The following EPHA2 variants were observed in gnomAD, a reference collection of about 807,000 sequenced individuals.
The protein encoded by EPHA2 is ephrin type-A receptor 2.
Under a neutral mutation model 104.9 loss-of-function variants are expected in EPHA2, and 54 were observed. The ratio of observed to expected loss-of-function variants is 0.51; its 90% CI spans 0.41 to 0.65. The LOEUF is 0.65. Among genes scored for constraint, EPHA2 ranks in the 30% least tolerant of loss-of-function variants. The pLI, the probability that EPHA2 is intolerant of heterozygous loss-of-function variation, is 0.00. For missense variants in EPHA2, 1,117 were observed against 1,369.5 expected (o/e 0.82, Z 2.91); for synonymous variants, 560 against 559.1 (o/e 1.00, Z -0.02).
intron 11 of EPHA2, among the ~76,000 whole-genome samples, 186 bp from the exon 12 acceptor site, chr1:16,132,625 G>A (rs1287815206): frequency 2.0e-5 from 3 of 151,406 alleles, no homozygotes; most frequent in Non-Finnish European, 2.9e-5. Context: ...GGGCACAGGC[G>A]GAGGAGTGGG....
chr1:16,136,655 GAAGAAGAAAAGAAGAAAAGAAGAAGA>G (rs879718203), intron 5 of EPHA2, among the ~76,000 whole-genome samples: 12,736 of 125,820 alleles, frequency 0.1, 1,882 homozygotes, highest in African/African-American at 0.29. Flanking sequence ...GAAGAAGAAA[GAAGAAGAAAAGAAGAAAAGAAGAAGA>G]AAGAAGAAGA....
Position 16,155,977 on chromosome 1 carries a change from C to A in EPHA2, c.-45G>T, listed in dbSNP as rs530073750. 15 of 1,436,670 alleles carry A rather than the reference C, an allele frequency of 1.0e-5. No individual in the cohort carries two copies. In the African/African-American group the frequency reaches 1.9e-4, roughly 19 times the overall value. The allele number at this position is 1,436,670 out of a possible 1,614,324, so 89.0% of individuals were successfully genotyped here. ...GTCCGATCCCCCCGAGCCCGGCTCC[C>A]GCACACCCGCACGCCTGCACGCCGG... On this transcript the variant is annotated 5_prime_UTR_variant, in exon 1 of 17. Coordinates refer to ENST00000358432, the MANE Select transcript of EPHA2 (RefSeq NM_004431.5).
chr1:16,129,363 G>GC (rs1557500986), intron 16 of EPHA2, 71 bp downstream of exon 16: 1 of 1,551,942 alleles, frequency 6.4e-7, no homozygotes, highest in African/African-American at 1.4e-5. Flanking sequence ...AAGAGGGCTG[G>GC]GGGGGGCATG....
chr1:16,143,860 G>T (rs781090005), intron 3 of EPHA2, among the ~76,000 whole-genome samples: 14 of 152,176 alleles, frequency 9.2e-5, no homozygotes, highest in Non-Finnish European at 1.8e-4. Context: ...AGCAAATGAG[G>T]GAGCTGACAA....
intron 3 of EPHA2, among the ~76,000 whole-genome samples, chr1:16,147,536 G>A (rs1017623471): frequency 1.3e-5 from 2 of 151,882 alleles, no homozygotes; most frequent in African/African-American, 4.8e-5. Flanking sequence ...CTTGCTCCTG[G>A]TACTCCACCG....
Position 16,137,758 on chromosome 1 carries a change from C to T in EPHA2, c.1312+95G>A, listed in dbSNP as rs147247998. 3 of 1,468,214 alleles carry T rather than the reference C, an allele frequency of 2.0e-6. No homozygotes were observed. In the African/African-American group the frequency reaches 4.2e-5, roughly 20 times the overall value. The allele number at this position is 1,468,214 out of a possible 1,614,324, so 90.9% of individuals were successfully genotyped here. ...TGCCTTTAACCACTTGCTCTGCTGCCTCTCTCTAAACACACCCGAGCCCCA... is the reference window on the plus strand; with the variant it reads ...TGCCTTTAACCACTTGCTCTGCTGCTTCTCTCTAAACACACCCGAGCCCCA... On this transcript the variant is annotated intron_variant, in intron 5 of 16. Coordinates refer to ENST00000358432, the MANE Select transcript of EPHA2 (RefSeq NM_004431.5).
Position 16,128,218 on chromosome 1 carries a change from G to A in EPHA2, c.2825+1216C>T, listed in dbSNP as rs1360587542. On this transcript the variant is annotated intron_variant, in intron 16 of 16. Transcript: ENST00000358432. This position sits in a 1 kb window ranked among gnomAD's most constrained non-coding sequence, Gnocchi z 4.7. ...TCACCCGCTAGGAAGTGGCAGATGC[G>A]GGACTTGAACCCAGGTATGTGTGCA... Among the ~76,000 whole-genome samples the A allele has an allele frequency of 3.3e-5, 5 of 152,174 alleles. No homozygotes were observed. Among genetic ancestry groups the A allele is most frequent in the Non-Finnish European group, 7.4e-5 (5 of 68,026 alleles).
rs775204864 is a variant in EPHA2, at chr1:16,133,885, C to T, written c.1713G>A (p.Pro571=). The part of the protein sequence containing the change: ...RRKNQRARQS[P]EDVYFSKSEQ... ...CTGACTTGGAGAAGTAAACGTCCTC[C>T]GGGGACTGGCGGGCACGCTGGTTCT... is the stretch of plus-strand genomic sequence containing the variant. Residue 571 remains proline (P), a synonymous_variant, in exon 9 of 17, where the codon CCG becomes CCA. Coordinates refer to ENST00000358432, the MANE Select transcript of EPHA2 (RefSeq NM_004431.5). The T allele has an allele frequency of 5.8e-6, 9 of 1,549,964 alleles. No individual in the cohort carries two copies. The highest frequency in any genetic ancestry group is 2.4e-5 in the East Asian group (1 of 40,916).
intron 1 of EPHA2, among the ~76,000 whole-genome samples, chr1:16,154,066 CAG>C (rs2025098419): frequency 6.6e-6 from 1 of 152,056 alleles, no homozygotes; most frequent in Admixed American, 6.5e-5. Context: ...GAGGTGGACA[CAG>C]GGGACAAGGA....
At position 16,155,868 on chromosome 1, in the gene EPHA2, G is replaced by A. The variant is rs2124283172; in HGVS notation, c.65C>T (p.Ala22Val). 1.4e-6 allele frequency: 2 copies of A among 1,457,976 alleles called. No homozygotes were observed. Among genetic ancestry groups the A allele is most frequent in the Non-Finnish European group, 1.8e-6 (2 of 1,111,358 alleles). 90.3% of individuals were successfully genotyped at this position (1,457,976 alleles called of 1,614,324 possible). A position where few individuals can be genotyped will look rare whatever the true frequency, so the allele number is the denominator to read the frequency against. The change falls in exon 1 of 17, where the codon GCG becomes GTG. Residue 22 changes from alanine (A) to valine (V), a missense_variant. Ala to Val is a moderately conservative substitution (Grantham distance 64). Around this residue, in one of 3 missense-constraint regions of EPHA2, gnomAD observed 664 missense variants for 784.8 expected, o/e 0.85. Coordinates refer to ENST00000358432, the MANE Select transcript of EPHA2 (RefSeq NM_004431.5). ...LLWGCALAAA[A>V]AAQGKEVVLL... is the part of the protein sequence containing the mutation. Reference sequence around the variant, plus strand: ...CTCACCTTCCTTGCCCTGCGCCGCCGCGGCCGCGGCCAGCGCACAGCCCCA... The same window carrying A: ...CTCACCTTCCTTGCCCTGCGCCGCCACGGCCGCGGCCAGCGCACAGCCCCA...
chr1:16,136,821 G>A (rs2024721075), intron 5 of EPHA2, among the ~76,000 whole-genome samples: 2 of 148,934 alleles, frequency 1.3e-5, no homozygotes, highest in Admixed American at 6.7e-5. Context: ...CTTTTGAGAC[G>A]GAGTTTCGCT....
rs2024503953 is a variant in EPHA2 at position 16,128,179 on chromosome 1, A to G, written c.2825+1255T>C. 6.6e-6 allele frequency among the ~76,000 whole-genome samples: 1 copy of G among 152,234 alleles called. No homozygotes were observed. The highest frequency in any genetic ancestry group is 6.5e-5 in the Admixed American group (1 of 15,288). ...TGCGCTGCACCCATGCAATCCCATC[A>G]AACTTGATCAAGGTCACCCGCTAGG... On this transcript the variant is annotated intron_variant, in intron 16 of 16. Coordinates refer to ENST00000358432, the MANE Select transcript of EPHA2 (RefSeq NM_004431.5). This position sits in a 1 kb window ranked among gnomAD's most constrained non-coding sequence, Gnocchi z 4.7.
chr1:16,148,733 G>C lies in EPHA2; in HGVS notation c.468C>G (p.Phe156Leu), dbSNP rs774381220. 1 of 1,613,836 alleles carries C rather than the reference G, an allele frequency of 6.2e-7. No individual in the cohort carries two copies. The highest frequency in any genetic ancestry group is 8.5e-7 in the Non-Finnish European group (1 of 1,180,044). ...APDEITVSSDFEARHVKLNVE... is the reference protein window; with the variant it reads ...APDEITVSSDLEARHVKLNVE... ...CGTTCAGCTTCACGTGGCGTGCCTC[G>C]AAGTCGCTGCTGACGGTGATCTCAT... The change falls in exon 3 of 17, where the codon TTC becomes TTG. Residue 156 changes from phenylalanine to leucine, a missense_variant. By Grantham distance (22) the Phe-to-Leu change is conservative (BLOSUM62 0). Around this residue, in one of 3 missense-constraint regions of EPHA2, gnomAD observed 664 missense variants for 784.8 expected, o/e 0.85. Coordinates refer to ENST00000358432, the MANE Select transcript of EPHA2 (RefSeq NM_004431.5). The surrounding 1 kb of genome is among the most constrained non-coding windows in gnomAD (Gnocchi z 4.9).
chr1:16,140,319 T>A (rs892440742), intron 3 of EPHA2, among the ~76,000 whole-genome samples: 1 of 152,170 alleles, frequency 6.6e-6, no homozygotes, highest in Non-Finnish European at 1.5e-5. Context: ...GGAAGGGGGC[T>A]TGTCCCAGGT....
At chr1:16,154,756 C>CAA (rs558609049) in intron 1 of EPHA2, among the ~76,000 whole-genome samples, 1,602 of 65,654 alleles carry the variant, frequency 0.024, 38 homozygotes, top group Middle Eastern at 0.042. Context: ...AACTCCGTCT[C>CAA]AAAAAAAAAA....
Position 16,155,882 on chromosome 1 carries a change from C to T in EPHA2, c.51G>A (p.Ala17=), listed in dbSNP as rs1162196445. ...RACFALLWGC[A]LAAAAAAQGK... is the part of the protein sequence containing the mutation. ...CCTGCGCCGCCGCGGCCGCGGCCAG[C>T]GCACAGCCCCACAGCAGGGCGAAGC... is the stretch of plus-strand genomic sequence containing the variant. Residue 17 remains alanine (A), a synonymous_variant, in exon 1 of 17, where the codon GCG becomes GCA. Coordinates refer to ENST00000358432, the MANE Select transcript of EPHA2 (RefSeq NM_004431.5). 4 of 1,472,508 alleles carry T rather than the reference C, an allele frequency of 2.7e-6. No homozygotes were observed. The highest frequency in any genetic ancestry group is 4.8e-5 in the Admixed American group (2 of 41,390). The allele number at this position is 1,472,508 out of a possible 1,614,324, so 91.2% of individuals were successfully genotyped here. A position where few individuals can be genotyped will look rare whatever the true frequency, so the allele number is the denominator to read the frequency against.
Position 16,138,489 on chromosome 1 carries a change from C to T in EPHA2, c.824-59G>A, listed in dbSNP as rs373220158. 1.9e-4 allele frequency: 307 copies of T among 1,610,084 alleles called. 9 individuals carry two copies. The East Asian group carries it at 1.9e-3, about 10-fold the overall frequency. On this transcript the variant is annotated intron_variant, in intron 3 of 16. Coordinates refer to ENST00000358432, the MANE Select transcript of EPHA2 (RefSeq NM_004431.5). ...ATCAGTTCAATCTGCTTCCACCCCACGTGACTGTCTCATTCCCTCACCAGG... is the reference window on the plus strand; with the variant it reads ...ATCAGTTCAATCTGCTTCCACCCCATGTGACTGTCTCATTCCCTCACCAGG...
chr1:16,151,120 G>A (rs1455606963), intron 1 of EPHA2, among the ~76,000 whole-genome samples, 157 bp from the exon 2 acceptor site: 2 of 152,074 alleles, frequency 1.3e-5, no homozygotes, highest in African/African-American at 2.4e-5. Context: ...ATCATCCCTC[G>A]ACTCATGAGG....
intron 3 of EPHA2, among the ~76,000 whole-genome samples, chr1:16,145,617 T>G (rs2024918664): frequency 1.3e-5 from 2 of 151,956 alleles, no homozygotes; most frequent in African/African-American, 2.4e-5. Flanking sequence ...CTCCCTCTGG[T>G]TCTCCCTCAA....
Sources: allele counts gnomAD v4.1 joint callset (sites outside exome capture counted in the v4.1 genomes callset), GRCh38; gene constraint gnomAD v4.1.1; regional missense constraint gnomAD v4.1.1; non-coding constraint Gnocchi (gnomAD v3.1); transcripts MANE v1.5; gene names NCBI Gene and HGNC (gene_info 2026-07-23, HGNC 2026-07-21).